CTNNA3: variants seen among roughly 807,000 people sequenced by gnomAD.
CTNNA3 encodes catenin alpha 3.
CTNNA3 carries 76 observed loss-of-function variants against 95.7 expected under a neutral mutation model. The observed-to-expected ratio is 0.79, with a 90% CI of 0.66 to 0.96. The LOEUF is 0.96. Among genes scored for constraint, CTNNA3 ranks in the 40% least tolerant of loss-of-function variants. The pLI, the probability that CTNNA3 is intolerant of heterozygous loss-of-function variation, is 0.00. For synonymous variants in CTNNA3, 431 were observed against 374.4 expected (o/e 1.15, Z -1.74); for missense variants, 1,191 against 1,089.8 (o/e 1.09, Z -1.31).
intron 13 of CTNNA3, among the ~76,000 whole-genome samples, chr10:66,209,804 G>A (rs1047327426): frequency 2.6e-5 from 4 of 152,132 alleles, no homozygotes; most frequent in Non-Finnish European, 4.4e-5. Context: ...TTTAGCATGT[G>A]TTTCTCACAT....
chr10:66,325,705 T>C (rs2092245765), intron 12 of CTNNA3, among the ~76,000 whole-genome samples: 1 of 136,834 alleles, frequency 7.3e-6, no homozygotes, highest in Non-Finnish European at 1.7e-5. Context: ...TGAGGCTGTT[T>C]AGCCACAAGA....
intron 13 of CTNNA3, among the ~76,000 whole-genome samples, chr10:66,218,916 A>G (rs962312394): frequency 2.6e-5 from 4 of 152,270 alleles, no homozygotes; most frequent in African/African-American, 9.6e-5. Flanking sequence ...GAAACTTCCA[A>G]ATTTTTCCTG....
intron 6 of CTNNA3, among the ~76,000 whole-genome samples, chr10:67,187,718 T>C (rs1030026201): frequency 3.3e-5 from 5 of 152,078 alleles, no homozygotes; most frequent in Non-Finnish European, 1.5e-5. Context: ...CCGCAGTAAC[T>C]GGAATCACAG....
chr10:66,290,167 T>C (rs1004990276), intron 12 of CTNNA3, among the ~76,000 whole-genome samples: 1 of 151,994 alleles, frequency 6.6e-6, no homozygotes, highest in Non-Finnish European at 1.5e-5. Flanking sequence ...AAGTAGAGAT[T>C]TATTTTTATA....
intron 11 of CTNNA3, among the ~76,000 whole-genome samples, chr10:66,433,881 A>G (rs1170064077): frequency 6.6e-6 from 1 of 152,190 alleles, no homozygotes; most frequent in African/African-American, 2.4e-5. Context: ...TTTTCCCAAC[A>G]GCTTTTATTA....
intron 5 of CTNNA3, among the ~76,000 whole-genome samples, chr10:67,463,586 A>C (rs1303008209): frequency 6.6e-6 from 1 of 152,200 alleles, no homozygotes; most frequent in Non-Finnish European, 1.5e-5. Context: ...CATGTGTTCA[A>C]TTTAATCTAA....
At chr10:67,408,572 T>C (rs1281035489) in intron 5 of CTNNA3, among the ~76,000 whole-genome samples, 4 of 152,034 alleles carry the variant, frequency 2.6e-5, no homozygotes, top group South Asian at 2.1e-4. Flanking sequence ...TTACACTATA[T>C]ATAAAAATCA....
intron 17 of CTNNA3, among the ~76,000 whole-genome samples, chr10:65,958,089 A>C (rs2077769152): frequency 6.8e-6 from 1 of 146,650 alleles, no homozygotes; most frequent in Admixed American, 6.9e-5. Flanking sequence ...GTTTCTTTTT[A>C]CTCTTTTTTC....
intron 7 of CTNNA3, among the ~76,000 whole-genome samples, chr10:66,845,999 G>A (rs1381039961): frequency 6.6e-6 from 1 of 151,216 alleles, no homozygotes; most frequent in Non-Finnish European, 1.5e-5. Context: ...GGGCATGGTG[G>A]CATGTGCCTA....
intron 9 of CTNNA3, among the ~76,000 whole-genome samples, chr10:66,711,258 C>CAA (rs56013857): frequency 0.018 from 2,095 of 118,110 alleles, 61 homozygotes; most frequent in African/African-American, 0.042. Context: ...GAACAAGAAA[C>CAA]AAAAAAAAAA....
At chr10:67,025,791 A>G (rs534945524) in intron 7 of CTNNA3, among the ~76,000 whole-genome samples, 2 of 152,014 alleles carry the variant, frequency 1.3e-5, no homozygotes, top group Admixed American at 6.5e-5. Flanking sequence ...GATGATCGCT[A>G]TAAAGACACA....
At position 67,737,301 on chromosome 10, in the gene CTNNA3, T is replaced by C. The variant is rs75435838; in HGVS notation, c.-2+26133A>G. ...AAATTTTAAAATGTCTTGAAATAAA[T>C]GAAAATGAAAATACAACATACCAAA... On this transcript the variant is annotated intron_variant, in intron 1 of 17. Transcript: ENST00000684154. Among the ~76,000 whole-genome samples, 285 of 151,844 alleles carry C rather than the reference T, an allele frequency of 1.9e-3. 1 individual carries two copies. Among genetic ancestry groups the C allele is most frequent in the African/African-American group, 6.3e-3 (261 of 41,402 alleles).
chr10:66,860,553 G>T (rs887767436), intron 7 of CTNNA3, among the ~76,000 whole-genome samples: 1 of 152,124 alleles, frequency 6.6e-6, no homozygotes, highest in Admixed American at 6.6e-5. Context: ...CATGGCTCTT[G>T]TTTTGACAGG....
At chr10:66,115,059 T>C (rs1476625018) in intron 13 of CTNNA3, among the ~76,000 whole-genome samples, 1 of 152,122 alleles carries the variant, frequency 6.6e-6, no homozygotes. Flanking sequence ...ATGAGTGTTA[T>C]AGGAAAATCT....
intron 13 of CTNNA3, among the ~76,000 whole-genome samples, chr10:66,105,262 T>C (rs1385901123): frequency 2.0e-5 from 3 of 152,254 alleles, no homozygotes; most frequent in Non-Finnish European, 2.9e-5. Context: ...ATGTAATTTC[T>C]ATACAATCAT....
At chr10:66,022,159 C>T (rs1304075391) in intron 15 of CTNNA3, among the ~76,000 whole-genome samples, 1 of 152,096 alleles carries the variant, frequency 6.6e-6, no homozygotes, top group Non-Finnish European at 1.5e-5. Flanking sequence ...TGCCCAGCCT[C>T]GAAGATGTCT....
At chr10:66,668,422 ATGTGTGTG>A (rs3055580) in intron 9 of CTNNA3, among the ~76,000 whole-genome samples, 48 of 146,908 alleles carry the variant, frequency 3.3e-4, no homozygotes, top group Non-Finnish European at 5.7e-4. Flanking sequence ...CAACTCTCAT[ATGTGTGTG>A]TGTGTGTGTG....
intron 7 of CTNNA3, among the ~76,000 whole-genome samples, chr10:66,976,106 T>C (rs561660088): frequency 6.6e-5 from 10 of 152,218 alleles, no homozygotes; most frequent in Non-Finnish European, 1.5e-4. Context: ...AGTAGCTTTG[T>C]ATTAATGAAA....
chr10:66,039,605 A>T (rs189814464), intron 15 of CTNNA3, among the ~76,000 whole-genome samples: 21 of 152,298 alleles, frequency 1.4e-4, no homozygotes, highest in Middle Eastern at 3.4e-3. Flanking sequence ...TCTTGGACAA[A>T]GCTGACAAAA....
Sources: allele counts gnomAD v4.1 joint callset (sites outside exome capture counted in the v4.1 genomes callset), GRCh38; gene constraint gnomAD v4.1.1; transcripts MANE v1.5; gene names NCBI Gene and HGNC (gene_info 2026-07-23, HGNC 2026-07-21).